Variants in FCHO2 observed in about 807,000 individuals in gnomAD.
FCHO2 encodes the protein F-BAR domain only protein 2.
Under a neutral mutation model 114.1 loss-of-function variants are expected in FCHO2, and 43 were observed. That is an observed-to-expected ratio of 0.38 (90% CI 0.30 to 0.49). FCHO2 has a LOEUF of 0.49. Among genes scored for constraint, FCHO2 ranks in the 20% least tolerant of loss-of-function variants. FCHO2 has a pLI of 0.97. For synonymous variants in FCHO2, 293 were observed against 315.2 expected (o/e 0.93, Z 0.75); for missense variants, 807 against 950.4 (o/e 0.85, Z 1.98).
At chr5:73,070,454 T>G (rs1742586061) in intron 19 of FCHO2, among the ~76,000 whole-genome samples, 1 of 152,098 alleles carries the variant, frequency 6.6e-6, no homozygotes, top group Non-Finnish European at 1.5e-5. Flanking sequence ...TATTTTTTGT[T>G]TGTGTGGTTT....
rs114375833 is a variant in FCHO2, at chr5:73,037,183, A to G, written c.882A>G (p.Gly294=). 11,409 of 1,597,016 alleles carry G rather than the reference A, an allele frequency of 7.1e-3. 60 individuals carry two copies. Among genetic ancestry groups the G allele is most frequent in the Non-Finnish European group, 8.4e-3 (9,823 of 1,171,988 alleles). Residue 294 remains glycine (G), a synonymous_variant, in exon 10 of 26, where the codon GGA becomes GGG. Transcript: ENST00000430046. The part of the protein sequence containing the change: ...PRKRKTFALP[G]IIKKEKDAES... ...AAAGAAAGACCTTTGCTTTGCCAGGAATCATTAAAAAGGAAAAAGATGCAG... is the reference window on the plus strand; with the variant it reads ...AAAGAAAGACCTTTGCTTTGCCAGGGATCATTAAAAAGGAAAAAGATGCAG...
intron 1 of FCHO2, among the ~76,000 whole-genome samples, chr5:72,964,476 C>T (rs1188766244): frequency 6.6e-6 from 1 of 152,050 alleles, no homozygotes; most frequent in Non-Finnish European, 1.5e-5. Context: ...CTCTGCCTCC[C>T]GGGTTCAAGT....
intron 11 of FCHO2, among the ~76,000 whole-genome samples, chr5:73,049,747 TTATAATATTTAGGC>T (rs1236096433): frequency 3.9e-5 from 6 of 152,146 alleles, no homozygotes; most frequent in African/African-American, 1.2e-4. Context: ...AATTTCTGAG[TTATAATATTTAGGC>T]AACTTCTGCT....
intron 5 of FCHO2, among the ~76,000 whole-genome samples, chr5:72,994,145 T>C (rs1415966753): frequency 2.6e-5 from 4 of 152,140 alleles, no homozygotes; most frequent in Non-Finnish European, 5.9e-5. Context: ...TAGGATCTAA[T>C]TAAACGTAAT....
intron 17 of FCHO2, 145 bp downstream of exon 17, chr5:73,058,669 C>T: frequency 7.5e-6 from 3 of 401,074 alleles, no homozygotes; most frequent in Non-Finnish European, 8.7e-6. Flanking sequence ...TGATTTTATT[C>T]TGGTTTTGTT....
intron 4 of FCHO2, 46 bp downstream of exon 4, chr5:72,990,665 A>C: frequency 6.5e-7 from 1 of 1,532,884 alleles, no homozygotes; most frequent in Middle Eastern, 1.7e-4. Context: ...CAGATATTGA[A>C]TACTTTATAG....
chr5:73,045,613 A>G (rs903021022), intron 11 of FCHO2, among the ~76,000 whole-genome samples: 4 of 152,138 alleles, frequency 2.6e-5, no homozygotes, highest in African/African-American at 9.7e-5. Flanking sequence ...GACCCTGATA[A>G]TGTTCTTTAT....
In FCHO2 at chr5:73,078,262, G is replaced by A. The variant is rs200271658; in HGVS notation, c.1930G>A (p.Glu644Lys). Residue 644 changes from glutamate to lysine, a missense_variant, in exon 22 of 26, where the codon GAG (glutamate) becomes AAG (lysine). Glu to Lys is a moderately conservative substitution (Grantham distance 56, BLOSUM62 1). Transcript: ENST00000430046. ...TACAGTCTACCTCAAGAAGCTGTCA[G>A]AGCAAAATCCAGCTGCTTCTTATTA... ...AVTVYLKKLS[E>K]QNPAASYYNV... The A allele has an allele frequency of 1.2e-4, 196 of 1,598,124 alleles. No homozygotes were observed. The highest frequency in any genetic ancestry group is 1.6e-4 in the Non-Finnish European group (191 of 1,172,076).
intron 6 of FCHO2, among the ~76,000 whole-genome samples, chr5:73,008,591 G>A (rs897048267): frequency 1.3e-5 from 2 of 152,122 alleles, no homozygotes; most frequent in African/African-American, 4.8e-5. Flanking sequence ...GGTGACATCA[G>A]GAGGGCAGTT....
chr5:73,015,008 G>A lies in FCHO2; in HGVS notation c.601-618G>A, dbSNP rs550655372. ...GGAGAATGATGTGAACCTGGGAGGC[G>A]GAGCTTCCAGTGAGCCAAGATGGTG... On this transcript the variant is annotated intron_variant, in intron 6 of 25. Coordinates refer to ENST00000430046, the MANE Select transcript of FCHO2 (RefSeq NM_138782.3). Among the ~76,000 whole-genome samples the A allele has an allele frequency of 5.4e-5, 8 of 149,398 alleles. No individual in the cohort carries two copies. In the South Asian group the frequency reaches 6.5e-4, roughly 12 times the overall value.
In FCHO2 at chr5:73,077,439, T is replaced by TG; in HGVS notation, c.1794dup (p.Lys599GlufsTer19). On this transcript the variant is annotated frameshift_variant, in exon 21 of 26. Coordinates refer to ENST00000430046, the MANE Select transcript of FCHO2 (RefSeq NM_138782.3). LOFTEE classifies it high-confidence loss of function. The stretch of plus-strand genomic sequence containing the variant: ...ACTCCAGCTGTGTTGTGCTTCAGGG[T>TG]GAAAAATATCAGCAGACTAGAGCAG... 1 of 1,601,928 alleles carries TG rather than the reference T, an allele frequency of 6.2e-7. No individual in the cohort carries two copies. The highest frequency in any genetic ancestry group is 8.5e-7 in the Non-Finnish European group (1 of 1,173,930).
rs77033152 is a variant in FCHO2 at position 73,007,216 on chromosome 5, C to T, written c.600+667C>T. Among the ~76,000 whole-genome samples the T allele has an allele frequency of 1.4e-3, 220 of 152,272 alleles. 1 individual carries two copies. The highest frequency in any genetic ancestry group is 5.2e-3 in the African/African-American group (215 of 41,556). On this transcript the variant is annotated intron_variant, in intron 6 of 25. Transcript: ENST00000430046. ...AGGCCCCAGAAATCTCAGTGGCTTACAATATCAAGGGTTTATTACTTTCTC... is the reference window on the plus strand; with the variant it reads ...AGGCCCCAGAAATCTCAGTGGCTTATAATATCAAGGGTTTATTACTTTCTC...
chr5:73,014,630 A>T (rs374751660), intron 6 of FCHO2, among the ~76,000 whole-genome samples: 1 of 152,156 alleles, frequency 6.6e-6, no homozygotes, highest in East Asian at 1.9e-4. Context: ...TTGAAAATCT[A>T]TGGGCTAGAT....
chr5:72,972,721 A>G (rs1257895241), intron 2 of FCHO2, among the ~76,000 whole-genome samples: 1 of 152,166 alleles, frequency 6.6e-6, no homozygotes, highest in Non-Finnish European at 1.5e-5. Flanking sequence ...TGCCCTGGCT[A>G]GAACTTCCAA....
intron 2 of FCHO2, among the ~76,000 whole-genome samples, chr5:72,978,288 C>G (rs1752994278): frequency 6.6e-6 from 1 of 152,150 alleles, no homozygotes. Flanking sequence ...TTTCCTTTAG[C>G]AGTGGTTCAT....
At chr5:73,084,780 G>C (rs1413019974) in intron 24 of FCHO2, among the ~76,000 whole-genome samples, 1 of 152,178 alleles carries the variant, frequency 6.6e-6, no homozygotes, top group Admixed American at 6.5e-5. Flanking sequence ...TACATTGGGT[G>C]AAATAACCAA....
intron 5 of FCHO2, chr5:72,996,864 C>T (rs1209512737): frequency 1.0e-5 from 14 of 1,355,676 alleles, no homozygotes; most frequent in South Asian, 2.5e-5. Flanking sequence ...AGCTGTGCCA[C>T]GGGGGCCCCC....
intron 5 of FCHO2, among the ~76,000 whole-genome samples, chr5:73,000,809 T>A (rs954218189): frequency 4.6e-5 from 7 of 151,988 alleles, no homozygotes; most frequent in East Asian, 3.9e-4. Context: ...CAAGGTCTCA[T>A]GTTGCACAGG....
chr5:72,984,035 C>G (rs1196946697), intron 2 of FCHO2, among the ~76,000 whole-genome samples: 1 of 152,112 alleles, frequency 6.6e-6, no homozygotes, highest in Admixed American at 6.6e-5. Context: ...GCTTTATGTT[C>G]TCATCAATTC....
Sources: gnomAD v4.1 joint callset for allele counts (sites outside exome capture counted in the v4.1 genomes callset) on GRCh38, gnomAD v4.1.1 for gene constraint, MANE v1.5 for transcripts, NCBI Gene and HGNC (gene_info 2026-07-23, HGNC 2026-07-21) for gene names.